The following STT3B variants were observed in gnomAD, a reference collection of about 807,000 sequenced individuals.
The protein encoded by STT3B is dolichyl-diphosphooligosaccharide--protein glycosyltransferase subunit STT3B.
Under a neutral mutation model 96.8 loss-of-function variants are expected in STT3B, and 29 were observed. The observed-to-expected ratio is 0.30, with a 90% CI of 0.22 to 0.41. The LOEUF is 0.41. Among genes scored for constraint, STT3B ranks in the 10% least tolerant of loss-of-function variants. The pLI is 1.00. For missense variants in STT3B, 640 were observed against 1,022.3 expected (o/e 0.63, Z 5.10); for synonymous variants, 367 against 360.0 (o/e 1.02, Z -0.22).
intron 2 of STT3B, among the ~76,000 whole-genome samples, chr3:31,578,877 A>C (rs988728764): frequency 6.6e-6 from 1 of 152,164 alleles, no homozygotes; most frequent in Non-Finnish European, 1.5e-5. Context: ...ATGGAGAAAA[A>C]GCAAGAGAGT....
chr3:31,574,884 G>A (rs1193006818), intron 1 of STT3B, among the ~76,000 whole-genome samples: 3 of 151,990 alleles, frequency 2.0e-5, no homozygotes, highest in African/African-American at 4.8e-5. Context: ...AAAAATTTTT[G>A]TTTTATATCA....
At chr3:31,546,702 A>C (rs956632426) in intron 1 of STT3B, among the ~76,000 whole-genome samples, 3 of 152,140 alleles carry the variant, frequency 2.0e-5, no homozygotes, top group Non-Finnish European at 2.9e-5. Flanking sequence ...GTCTCTCCCA[A>C]AGTTTTAGAC....
At chr3:31,583,754 T>C (rs1698468449) in intron 3 of STT3B, among the ~76,000 whole-genome samples, 1 of 152,312 alleles carries the variant, frequency 6.6e-6, no homozygotes, top group Admixed American at 6.5e-5. Context: ...TGTGCTGTTT[T>C]CTACATGCCT....
At chr3:31,596,217 A>G (rs1486251145) in intron 3 of STT3B, among the ~76,000 whole-genome samples, 1 of 152,184 alleles carries the variant, frequency 6.6e-6, no homozygotes, top group Non-Finnish European at 1.5e-5. Context: ...ATTGTAATAG[A>G]TTATAGCAGT....
intron 14 of STT3B, among the ~76,000 whole-genome samples, chr3:31,631,991 G>GACTACAGGC: frequency 6.6e-6 from 1 of 152,118 alleles, no homozygotes; most frequent in East Asian, 1.9e-4. Context: ...GAGTAGCTGG[G>GACTACAGGC]ACTACAGGCA....
At chr3:31,557,419 T>C (rs534144721) in intron 1 of STT3B, among the ~76,000 whole-genome samples, 1 of 152,296 alleles carries the variant, frequency 6.6e-6, no homozygotes, top group Non-Finnish European at 1.5e-5. Flanking sequence ...GACATTGGTA[T>C]TTTGATAGGG....
intron 1 of STT3B, among the ~76,000 whole-genome samples, chr3:31,566,322 C>T (rs1466463127): frequency 6.6e-6 from 1 of 152,136 alleles, no homozygotes; most frequent in African/African-American, 2.4e-5. Context: ...TGATCAAATC[C>T]CATCTTGACC....
intron 1 of STT3B, among the ~76,000 whole-genome samples, chr3:31,571,755 T>TAAATATAAA (rs1698142942): frequency 6.6e-6 from 1 of 151,946 alleles, no homozygotes; most frequent in Non-Finnish European, 1.5e-5. Flanking sequence ...TAGGCTCAGA[T>TAAATATAAA]GCCTTATATT....
At chr3:31,597,003 T>TCA in intron 4 of STT3B, 140 bp downstream of exon 4, 1 of 648,904 alleles carries the variant, frequency 1.5e-6, no homozygotes, top group Non-Finnish European at 2.6e-6. Flanking sequence ...CTTCTCCTAC[T>TCA]CACAGGTCCT....
At chr3:31,576,252 C>G in intron 1 of STT3B, 144 bp from the exon 2 acceptor site, 3 of 372,090 alleles carry the variant, frequency 8.1e-6, no homozygotes, top group East Asian at 4.6e-5. Flanking sequence ...TAAGCATGTT[C>G]TTTTGATATC....
At chr3:31,595,191 T>A (rs939876140) in intron 3 of STT3B, among the ~76,000 whole-genome samples, 2 of 152,198 alleles carry the variant, frequency 1.3e-5, no homozygotes, top group Non-Finnish European at 2.9e-5. Context: ...GAGGGTCTTA[T>A]GACCCAAAAT....
chr3:31,592,068 G>T (rs1698676510), intron 3 of STT3B, among the ~76,000 whole-genome samples: 1 of 151,914 alleles, frequency 6.6e-6, no homozygotes, highest in South Asian at 2.1e-4. Context: ...TCCATCTCCA[G>T]AGCTCTTTAT....
intron 11 of STT3B, 126 bp downstream of exon 11, chr3:31,623,987 A>G: frequency 1.2e-6 from 1 of 830,478 alleles, no homozygotes; most frequent in Non-Finnish European, 1.8e-6. Flanking sequence ...TTAATTTTTT[A>G]TTTTAATTTT....
chr3:31,543,357 A>G (rs984909672), intron 1 of STT3B, among the ~76,000 whole-genome samples: 1 of 152,192 alleles, frequency 6.6e-6, no homozygotes, highest in African/African-American at 2.4e-5. Context: ...TTTTTCCTCT[A>G]ATGAATATAA....
intron 5 of STT3B, among the ~76,000 whole-genome samples, chr3:31,612,512 C>A (rs535956766): frequency 1.3e-5 from 2 of 152,252 alleles, no homozygotes; most frequent in East Asian, 3.9e-4. Context: ...TTAGCATTAA[C>A]CTATGTTTAC....
chr3:31,536,312 G>A (rs760463576), intron 1 of STT3B, among the ~76,000 whole-genome samples: 2 of 152,142 alleles, frequency 1.3e-5, no homozygotes, highest in Non-Finnish European at 2.9e-5. Context: ...TTTCTAGTTT[G>A]GGAGTTGCTC....
intron 1 of STT3B, among the ~76,000 whole-genome samples, chr3:31,569,845 A>G (rs1041266300): frequency 4.6e-5 from 7 of 151,996 alleles, no homozygotes; most frequent in African/African-American, 1.7e-4. Context: ...TCCATAATAG[A>G]GTTTGCATAT....
chr3:31,535,659 G>A (rs748367006), intron 1 of STT3B, among the ~76,000 whole-genome samples: 1 of 152,092 alleles, frequency 6.6e-6, no homozygotes, highest in East Asian at 1.9e-4. Flanking sequence ...GGAGGCGAAG[G>A]TTGCAGTGAG....
chr3:31,609,275 G>T (rs1699130668), intron 5 of STT3B, among the ~76,000 whole-genome samples: 1 of 152,022 alleles, frequency 6.6e-6, no homozygotes, highest in Admixed American at 6.6e-5. Flanking sequence ...GCTGGTATTT[G>T]TCTTTTACTA....
Sources: gnomAD v4.1 joint callset for allele counts (sites outside exome capture counted in the v4.1 genomes callset) on GRCh38, gnomAD v4.1.1 for gene constraint, MANE v1.5 for transcripts, NCBI Gene and HGNC (gene_info 2026-07-23, HGNC 2026-07-21) for gene names.